Variants in CLEC16A observed in about 807,000 individuals in gnomAD.
CLEC16A encodes C-type lectin domain containing 16A.
In CLEC16A, 51 loss-of-function variants were observed where a neutral mutation model predicts 109.5. That is an observed-to-expected ratio of 0.47 (90% CI 0.37 to 0.59). The LOEUF is 0.59. Among genes scored for constraint, CLEC16A ranks in the 20% least tolerant of loss-of-function variants. The pLI is 0.00. For missense variants in CLEC16A, 1,339 were observed against 1,394.0 expected, an observed-to-expected ratio of 0.96 and a Z score of 0.63; for synonymous variants, 673 against 564.2, an observed-to-expected ratio of 1.19 and a Z score of -2.73.
At chr16:11,121,321 C>T (rs4781038) in intron 20 of CLEC16A, among the ~76,000 whole-genome samples, 332 of 152,314 alleles carry the variant, frequency 2.2e-3, no homozygotes, top group Non-Finnish European at 3.8e-3. Flanking sequence ...TTTCAGCAGA[C>T]GGTGCTGCCA....
intron 16 of CLEC16A, among the ~76,000 whole-genome samples, chr16:11,045,131 G>A (rs1034755484): frequency 6.6e-6 from 1 of 152,008 alleles, no homozygotes; most frequent in African/African-American, 2.4e-5. Context: ...GATCACAAGG[G>A]TCAGGAGACC....
intron 23 of CLEC16A, among the ~76,000 whole-genome samples, chr16:11,168,882 T>C (rs889735395): frequency 6.6e-5 from 10 of 152,200 alleles, no homozygotes; most frequent in African/African-American, 2.4e-4. Flanking sequence ...TGGCTCAGAG[T>C]GCGACTCAGC....
rs1421479835 is a variant in CLEC16A, at chr16:11,174,306, C to T, written c.2807-4029C>T. ...GGTCTCCCCTGTGAGCCGCTCGGGC[C>T]GCGACGTCCACTCGCCACGCTGCAT... is the stretch of plus-strand genomic sequence containing the variant. On this transcript the variant is annotated intron_variant, in intron 23 of 23. Coordinates refer to ENST00000409790, the MANE Select transcript of CLEC16A (RefSeq NM_015226.3). The surrounding 1 kb of genome is among the most constrained non-coding windows in gnomAD (Gnocchi z 4.7). 14 of 442,180 alleles carry T rather than the reference C, an allele frequency of 3.2e-5. No homozygotes were observed. The highest frequency in any genetic ancestry group is 3.1e-5 in the South Asian group (2 of 63,804). The allele number at this position is 442,180 out of a possible 1,614,324, so 27.4% of individuals were successfully genotyped here. A position where few individuals can be genotyped will look rare whatever the true frequency, so the allele number is the denominator to read the frequency against.
intron 2 of CLEC16A, among the ~76,000 whole-genome samples, chr16:10,958,947 A>G (rs896885479): frequency 2.6e-5 from 4 of 151,690 alleles, no homozygotes; most frequent in African/African-American, 9.7e-5. Context: ...CTACCTCCCT[A>G]ATAGATCTGC....
chr16:11,086,221 C>T (rs1460938411), intron 19 of CLEC16A, among the ~76,000 whole-genome samples: 1 of 152,154 alleles, frequency 6.6e-6, no homozygotes, highest in Admixed American at 6.5e-5. Flanking sequence ...TGGGCTCATG[C>T]CCTGGGCTGA....
intron 22 of CLEC16A, among the ~76,000 whole-genome samples, chr16:11,148,232 T>A (rs1327120534): frequency 1.3e-5 from 2 of 152,180 alleles, no homozygotes; most frequent in East Asian, 3.8e-4. Context: ...CCGGAACTTA[T>A]TTCCTGGTGC....
rs2048446407 is a variant in CLEC16A at position 11,060,920 on chromosome 16, A to G, written c.2014A>G (p.Met672Val). ...KTRRAIRVFFMLRSLSLQLRG... is the reference protein window; with the variant it reads ...KTRRAIRVFFVLRSLSLQLRG... Reference sequence around the variant, plus strand: ...GGTCCAGGCCATCCGGGTGTTCTTCATGCTGCGTTCCCTGTCACTGCAATT... The same window carrying G: ...GGTCCAGGCCATCCGGGTGTTCTTCGTGCTGCGTTCCCTGTCACTGCAATT... The change falls in exon 19 of 24, where the codon ATG (methionine) becomes GTG (valine). Residue 672 changes from methionine (M) to valine (V), a missense_variant. Transcript: ENST00000409790. The G allele has an allele frequency of 6.8e-6, 11 of 1,611,676 alleles. No homozygotes were observed. Among genetic ancestry groups the G allele is most frequent in the African/African-American group, 1.3e-5 (1 of 74,786 alleles).
intron 19 of CLEC16A, among the ~76,000 whole-genome samples, chr16:11,067,348 G>C (rs2048826910): frequency 1.6e-5 from 1 of 61,434 alleles, no homozygotes; most frequent in Non-Finnish European, 4.1e-5. Flanking sequence ...TCTAAGAGCA[G>C]GTGACGGGGT....
chr16:11,008,757 G>A (rs746292060), intron 11 of CLEC16A, among the ~76,000 whole-genome samples: 1 of 150,538 alleles, frequency 6.6e-6, no homozygotes. Flanking sequence ...TTGGGAGGCC[G>A]AGGTGGGCAG....
chr16:11,060,341 A>G (rs1411287477), intron 18 of CLEC16A, among the ~76,000 whole-genome samples: 5 of 151,962 alleles, frequency 3.3e-5, no homozygotes, highest in Non-Finnish European at 7.4e-5. Context: ...CCAGGGTAGG[A>G]TTTTCCTCAG....
intron 10 of CLEC16A, among the ~76,000 whole-genome samples, chr16:10,985,095 C>G (rs1181192258): frequency 6.7e-6 from 1 of 150,254 alleles, no homozygotes; most frequent in Non-Finnish European, 1.5e-5. Context: ...CTCAGCTACT[C>G]GGGAGGCTGA....
intron 14 of CLEC16A, chr16:11,040,204 G>A (rs1225838391): frequency 3.6e-6 from 1 of 281,052 alleles, no homozygotes; most frequent in Admixed American, 4.9e-5. Flanking sequence ...GTAATATTAT[G>A]AGAAAGAACT....
chr16:10,963,957 TA>T (rs1447390496), intron 3 of CLEC16A, among the ~76,000 whole-genome samples: 1 of 152,236 alleles, frequency 6.6e-6, no homozygotes, highest in African/African-American at 2.4e-5. Context: ...GTTTGGTTCC[TA>T]ATCCTCCACG....
intron 10 of CLEC16A, among the ~76,000 whole-genome samples, chr16:10,997,165 C>T (rs1203994139): frequency 6.6e-6 from 1 of 152,164 alleles, no homozygotes; most frequent in East Asian, 1.9e-4. Context: ...TCTCACCATG[C>T]TTCCTGTGCT....
At chr16:11,095,861 C>T (rs942304168) in intron 19 of CLEC16A, among the ~76,000 whole-genome samples, 2 of 149,728 alleles carry the variant, frequency 1.3e-5, no homozygotes, top group Non-Finnish European at 3.0e-5. Flanking sequence ...GTAGCTGTAG[C>T]GTAAGATTGG....
intron 10 of CLEC16A, among the ~76,000 whole-genome samples, chr16:10,999,027 T>C (rs1461871692): frequency 1.3e-5 from 2 of 152,210 alleles, no homozygotes; most frequent in African/African-American, 2.4e-5. Context: ...TTTTAAAATA[T>C]AGAATAAAAG....
intron 11 of CLEC16A, among the ~76,000 whole-genome samples, chr16:11,006,911 C>A (rs1020937052): frequency 2.6e-5 from 4 of 151,946 alleles, no homozygotes; most frequent in African/African-American, 9.7e-5. Context: ...TCACAGGGCC[C>A]CTAAATTTGC....
chr16:11,051,427 G>T, intron 17 of CLEC16A, 86 bp from the exon 18 acceptor site: 1 of 1,393,448 alleles, frequency 7.2e-7, no homozygotes, highest in Non-Finnish European at 1.0e-6. Context: ...GCGGTTGAAG[G>T]CGAGGGGCCT....
chr16:11,149,411 A>G (rs1299979140), intron 22 of CLEC16A, among the ~76,000 whole-genome samples: 1 of 151,952 alleles, frequency 6.6e-6, no homozygotes, highest in Non-Finnish European at 1.5e-5. Context: ...CATTGTTAAT[A>G]TTTCTGTTTA....
Sources: gnomAD v4.1 joint callset for allele counts (sites outside exome capture counted in the v4.1 genomes callset) on GRCh38, gnomAD v4.1.1 for gene constraint, Gnocchi (gnomAD v3.1) non-coding constraint, MANE v1.5 for transcripts, NCBI Gene and HGNC (gene_info 2026-07-23, HGNC 2026-07-21) for gene names.